LUZP2: variants seen among roughly 807,000 people sequenced by gnomAD.
LUZP2 encodes leucine zipper protein 2.
LUZP2 carries 52 observed loss-of-function variants against 51.6 expected under a neutral mutation model. The observed-to-expected ratio is 1.01, with a 90% CI of 0.81 to 1.27. The LOEUF is 1.27. Ranked by LOEUF, LUZP2 falls within the 50% of genes most tolerant of loss-of-function variation. The pLI is 0.00. For synonymous variants in LUZP2, 154 were observed against 137.3 expected (o/e 1.12, Z -0.85); for missense variants, 436 against 395.4 (o/e 1.10, Z -0.87).
At chr11:24,656,901 G>A (rs183043213) in intron 1 of LUZP2, among the ~76,000 whole-genome samples, 1 of 152,184 alleles carries the variant, frequency 6.6e-6, no homozygotes, top group African/African-American at 2.4e-5. Flanking sequence ...ATAATTCAGG[G>A]TAATCTCTTT....
chr11:24,780,321 C>G (rs980352504), intron 5 of LUZP2, among the ~76,000 whole-genome samples: 1 of 152,036 alleles, frequency 6.6e-6, no homozygotes, highest in Non-Finnish European at 1.5e-5. Flanking sequence ...TTATCTTCAA[C>G]CATTATTTAT....
intron 1 of LUZP2, among the ~76,000 whole-genome samples, chr11:24,671,282 G>GT (rs924605946): frequency 6.6e-6 from 1 of 151,740 alleles, no homozygotes; most frequent in East Asian, 1.9e-4. Flanking sequence ...AGTTTTAGCA[G>GT]TTTTTTGTAA....
chr11:24,963,028 T>G (rs1433068361), intron 7 of LUZP2, among the ~76,000 whole-genome samples: 1 of 152,210 alleles, frequency 6.6e-6, no homozygotes, highest in Non-Finnish European at 1.5e-5. Flanking sequence ...AGAGGTCCAC[T>G]CCAGACCCTG....
At chr11:24,623,094 A>G (rs1172031555) in intron 1 of LUZP2, among the ~76,000 whole-genome samples, 1 of 151,890 alleles carries the variant, frequency 6.6e-6, no homozygotes, top group African/African-American at 2.4e-5. Flanking sequence ...GAGAGAGAAA[A>G]GGACACACAC....
intron 5 of LUZP2, among the ~76,000 whole-genome samples, chr11:24,774,362 C>CTATATA (rs1554989374): frequency 2.8e-4 from 21 of 76,330 alleles, no homozygotes; most frequent in African/African-American, 1.0e-3. Context: ...CTCTCTCTCT[C>CTATATA]TATATATATA....
At chr11:24,784,027 T>C (rs1849169264) in intron 5 of LUZP2, among the ~76,000 whole-genome samples, 1 of 151,910 alleles carries the variant, frequency 6.6e-6, no homozygotes, top group African/African-American at 2.4e-5. Context: ...TCTAGGCCTT[T>C]CTTGCGTGGC....
intron 10 of LUZP2, among the ~76,000 whole-genome samples, chr11:25,063,546 T>A (rs1485122727): frequency 6.6e-6 from 1 of 151,998 alleles, no homozygotes; most frequent in African/African-American, 2.4e-5. Context: ...TTGATATGTT[T>A]TATAAGAAAA....
chr11:24,733,617 G>A (rs569650237), intron 3 of LUZP2, among the ~76,000 whole-genome samples: 5 of 151,772 alleles, frequency 3.3e-5, no homozygotes, highest in Non-Finnish European at 7.4e-5. Flanking sequence ...CAGGGTCAGA[G>A]GTAGCTGGGG....
At chr11:24,861,104 T>A (rs1221480256) in intron 5 of LUZP2, among the ~76,000 whole-genome samples, 1 of 152,076 alleles carries the variant, frequency 6.6e-6, no homozygotes, top group Non-Finnish European at 1.5e-5. Flanking sequence ...TAGAGAGGAA[T>A]GTAAACGACC....
At position 24,634,610 on chromosome 11, in the gene LUZP2, A is replaced by T. The variant is rs776795135; in HGVS notation, c.63-94559A>T. On this transcript the variant is annotated intron_variant, in intron 1 of 11. Transcript: ENST00000336930. ...TTGCATTACTGCTTTTTTAAAGTTA[A>T]TTTTTTCTGGATTTATAACTTCAAA... is the stretch of plus-strand genomic sequence containing the variant. Among the ~76,000 whole-genome samples the T allele has an allele frequency of 4.8e-5, 7 of 145,746 alleles. No homozygotes were observed. In the South Asian group the frequency reaches 1.1e-3, roughly 23 times the overall value.
chr11:24,851,002 G>T, intron 5 of LUZP2, among the ~76,000 whole-genome samples: 1 of 152,132 alleles, frequency 6.6e-6, no homozygotes. Context: ...TCAACTTAAG[G>T]ACATTTTGGA....
chr11:24,866,735 T>C lies in LUZP2; in HGVS notation c.397-39256T>C, dbSNP rs113931295. ...AACTTAAGAAAGTTGTTTGGGACTT[T>C]GAAAATTCAGAAAGACTTCATAGAA... On this transcript the variant is annotated intron_variant, in intron 5 of 11. Coordinates refer to ENST00000336930, the MANE Select transcript of LUZP2 (RefSeq NM_001009909.4). Among the ~76,000 whole-genome samples the C allele has an allele frequency of 5.7e-3, 870 of 152,314 alleles. 12 individuals are homozygous for C. Among genetic ancestry groups the C allele is most frequent in the African/African-American group, 0.02 (824 of 41,576 alleles).
chr11:24,908,551 A>G (rs1853530175), intron 6 of LUZP2, among the ~76,000 whole-genome samples: 1 of 152,150 alleles, frequency 6.6e-6, no homozygotes, highest in African/African-American at 2.4e-5. Context: ...TAAAATCACT[A>G]ATTGTTTGAA....
chr11:24,585,059 G>T (rs1853014275), intron 1 of LUZP2, among the ~76,000 whole-genome samples: 1 of 152,116 alleles, frequency 6.6e-6, no homozygotes, highest in Non-Finnish European at 1.5e-5. Context: ...TGGGTGTGGA[G>T]GTTGATGACT....
At chr11:25,006,522 T>C (rs1346921596) in intron 9 of LUZP2, among the ~76,000 whole-genome samples, 2 of 151,844 alleles carry the variant, frequency 1.3e-5, no homozygotes, top group Non-Finnish European at 2.9e-5. Context: ...GATTTGGGGG[T>C]TGTTAGCCCT....
chr11:25,027,033 CA>C, intron 9 of LUZP2, among the ~76,000 whole-genome samples: 1 of 152,018 alleles, frequency 6.6e-6, no homozygotes, highest in East Asian at 1.9e-4. Context: ...ATACAGATCA[CA>C]ACCATCCACA....
rs1481143948 is a variant in LUZP2 at position 24,601,984 on chromosome 11, A to ATGTG, written c.62+104680_62+104681insGTGT. ...TATGTATATATGTGTATATGTATATATATGTGTATATATGTATATATATGT... is the reference window on the plus strand; with the variant it reads ...TATGTATATATGTGTATATGTATATATGTGTATGTGTATATATGTATATATATGT... On this transcript the variant is annotated intron_variant, in intron 1 of 11. Coordinates refer to ENST00000336930, the MANE Select transcript of LUZP2 (RefSeq NM_001009909.4). Among the ~76,000 whole-genome samples the ATGTG allele has an allele frequency of 2.3e-3, 194 of 84,674 alleles. 2 individuals carry two copies. The highest frequency in any genetic ancestry group is 0.01 in the African/African-American group (188 of 18,396). The allele number at this position is 84,674 out of a possible 152,430, so 55.5% of individuals were successfully genotyped here. A position where few individuals can be genotyped will look rare whatever the true frequency, so the allele number is the denominator to read the frequency against.
chr11:24,902,484 T>C (rs1188789481), intron 5 of LUZP2, among the ~76,000 whole-genome samples: 1 of 152,160 alleles, frequency 6.6e-6, no homozygotes, highest in Non-Finnish European at 1.5e-5. Flanking sequence ...GGAGAGTAAA[T>C]ATTATTAAAG....
At chr11:24,883,273 C>T (rs1852548243) in intron 5 of LUZP2, among the ~76,000 whole-genome samples, 1 of 140,792 alleles carries the variant, frequency 7.1e-6, no homozygotes, top group South Asian at 2.1e-4. Context: ...GTTCTCTTTT[C>T]ACTATGACAA....
Sources: gnomAD v4.1 joint callset for allele counts (sites outside exome capture counted in the v4.1 genomes callset) on GRCh38, gnomAD v4.1.1 for gene constraint, MANE v1.5 for transcripts, NCBI Gene and HGNC (gene_info 2026-07-23, HGNC 2026-07-21) for gene names.